Variants in NT5C observed in about 807,000 individuals in gnomAD.
NT5C encodes 5'(3')-deoxyribonucleotidase, cytosolic type.
NT5C carries 14 observed loss-of-function variants against 17.6 expected under a neutral mutation model. That is an observed-to-expected ratio of 0.79 (90% CI 0.52 to 1.24). The LOEUF (loss-of-function observed/expected upper bound fraction) is 1.24, where lower values mean the gene tolerates loss of function less well. Ranked by LOEUF, NT5C falls within the 50% of genes most tolerant of loss-of-function variation. The pLI is 0.00. For synonymous variants in NT5C, 153 were observed against 119.2 expected, an observed-to-expected ratio of 1.28 and a Z score of -1.85; for missense variants, 328 against 278.3, an observed-to-expected ratio of 1.18 and a Z score of -1.27.
Position 75,131,534 on chromosome 17 carries a change from C to CGCCA in NT5C, c.170_173dup (p.Asp59GlyfsTer3). ...CGGGTGGGGACCCTGCGCCCCCTAC[C>CGCCA]GCCAGGTCGGGCCGCAGGGCGCGGT... is the stretch of plus-strand genomic sequence containing the variant. On this transcript the variant is annotated frameshift_variant and splice_region_variant, in exon 1 of 5. Coordinates refer to ENST00000245552, the MANE Select transcript of NT5C (RefSeq NM_014595.3). LOFTEE classifies it high-confidence loss of function. 7 of 1,409,038 alleles carry CGCCA rather than the reference C, an allele frequency of 5.0e-6. No individual in the cohort carries two copies. Among genetic ancestry groups the CGCCA allele is most frequent in the Non-Finnish European group, 6.4e-6 (7 of 1,090,190 alleles). 87.3% of individuals were successfully genotyped at this position (1,409,038 alleles called of 1,614,324 possible). A position where few individuals can be genotyped will look rare whatever the true frequency, so the allele number is the denominator to read the frequency against.
intron 1 of NT5C, 23 bp from the exon 2 acceptor site, chr17:75,131,304 C>T (rs1477332995): frequency 6.2e-7 from 1 of 1,609,196 alleles, no homozygotes; most frequent in Non-Finnish European, 8.5e-7. Context: ...AGTTCTGGGT[C>T]CCGGCTTCCC....
In NT5C at chr17:75,131,081, G is replaced by A. The variant is rs1283357357; in HGVS notation, c.300C>T (p.Ser100=). ...LPDTQVFICT[S]PLLKYHHCVG... is the part of the protein sequence containing the mutation. The stretch of plus-strand genomic sequence containing the variant: ...CACAGTGGTGGTACTTCAGCAGGGG[G>A]CTGGTGCAGATGAAGACCTGCGTGC... The change falls in exon 3 of 5, where the codon AGC becomes AGT. Residue 100 remains serine, a synonymous_variant. Coordinates refer to ENST00000245552, the MANE Select transcript of NT5C (RefSeq NM_014595.3). The A allele has an allele frequency of 1.9e-6, 3 of 1,613,098 alleles. No individual in the cohort carries two copies. Among genetic ancestry groups the A allele is most frequent in the African/African-American group, 1.3e-5 (1 of 74,928 alleles).
chr17:75,131,145 C>T (rs1484869835), intron 2 of NT5C, 36 bp downstream of exon 2: 1 of 1,612,370 alleles, frequency 6.2e-7, no homozygotes, highest in African/African-American at 1.3e-5. Context: ...AGCCAGGAGC[C>T]CGCCCAGGAC....
rs778969083 is a variant in NT5C at position 75,131,096 on chromosome 17, G to A, written c.285C>T (p.Val95=). 5 of 1,613,318 alleles carry A rather than the reference G, an allele frequency of 3.1e-6. No homozygotes were observed. Among genetic ancestry groups the A allele is most frequent in the Admixed American group, 3.3e-5 (2 of 59,936 alleles). Residue 95 remains valine, a synonymous_variant, in exon 3 of 5, where the codon GTC becomes GTT. Transcript: ENST00000245552. ...TCAGCAGGGGGCTGGTGCAGATGAA[G>A]ACCTGCGTGCTGCGGAGAAGGACGC... ...REMNDLPDTQ[V]FICTSPLLKY...
chr17:75,131,207 A>T lies in NT5C; in HGVS notation c.249T>A (p.Ala83=). ...CCGGTAGGTCGTTCATCTCCCGCAC[A>T]GCGTCCAAGGCTCCCGGGATGGGCT... ...DLEPIPGALD[A]VREMNDLPDT... The change falls in exon 2 of 5, where the codon GCT becomes GCA. Residue 83 remains alanine, a synonymous_variant. Transcript: ENST00000245552. 6.2e-7 allele frequency: 1 copy of T among 1,613,882 alleles called. No individual in the cohort carries two copies. The highest frequency in any genetic ancestry group is 8.5e-7 in the Non-Finnish European group (1 of 1,180,006).
rs1176678725 is a variant in NT5C, at chr17:75,130,877, A to G, written c.337-10T>C. On this transcript the variant is annotated splice_polypyrimidine_tract_variant and intron_variant, in intron 3 of 4. Transcript: ENST00000245552. ...GCTCCACCCAGCGGTACTGTGTAGAAAACACAGTCTGTGAGTAGGGCCTGA... is the reference window on the plus strand; with the variant it reads ...GCTCCACCCAGCGGTACTGTGTAGAGAACACAGTCTGTGAGTAGGGCCTGA... 6 of 1,613,372 alleles carry G rather than the reference A, an allele frequency of 3.7e-6. No individual in the cohort carries two copies. Among genetic ancestry groups the G allele is most frequent in the Admixed American group, 1.7e-5 (1 of 60,000 alleles).
In NT5C at chr17:75,130,956, C is replaced by CA. The variant is rs769254825; in HGVS notation, c.336+88dup. On this transcript the variant is annotated intron_variant, in intron 3 of 4. Coordinates refer to ENST00000245552, the MANE Select transcript of NT5C (RefSeq NM_014595.3). The stretch of plus-strand genomic sequence containing the variant: ...TGGCTCTAAGCCCTTGAGAGCCCCC[C>CA]ACCCCCACCTTCTGGGTTTCTGGTG... The CA allele has an allele frequency of 8.1e-6, 13 of 1,605,462 alleles. No individual in the cohort carries two copies. In the African/African-American group the frequency reaches 1.7e-4, roughly 21 times the overall value.
At position 75,130,524 on chromosome 17, in the gene NT5C, G is replaced by T. The variant is rs1410832311; in HGVS notation, c.570C>A (p.Ile190=). The T allele has an allele frequency of 6.2e-7, 1 of 1,614,176 alleles. No homozygotes were observed. The highest frequency in any genetic ancestry group is 1.1e-5 in the South Asian group (1 of 91,086). Residue 190 remains isoleucine, a synonymous_variant, in exon 5 of 5, where the codon ATC becomes ATA. Coordinates refer to ENST00000245552, the MANE Select transcript of NT5C (RefSeq NM_014595.3). ...GCGCAGCTCCGCGCTTGCTATCTAA[G>T]ATCTCCCTCCAGTTGTCACTCCAGG... ...LLSWSDNWRE[I]LDSKRGAAQR...
chr17:75,131,122 G>T lies in NT5C; in HGVS notation c.276-17C>A, dbSNP rs3736075. On this transcript the variant is annotated splice_polypyrimidine_tract_variant and intron_variant, in intron 2 of 4. Transcript: ENST00000245552. Reference sequence around the variant, plus strand: ...ACCTGCGTGCTGCGGAGAAGGACGCGGTTACCGCCGGGAGCCAGGAGCCCG... The same window carrying T: ...ACCTGCGTGCTGCGGAGAAGGACGCTGTTACCGCCGGGAGCCAGGAGCCCG... 2 of 1,612,130 alleles carry T rather than the reference G, an allele frequency of 1.2e-6. No homozygotes were observed. The highest frequency in any genetic ancestry group is 2.2e-5 in the East Asian group (1 of 44,794).
In NT5C at chr17:75,130,257, C is replaced by T; in HGVS notation, c.*231G>A. 3 of 563,622 alleles carry T rather than the reference C, an allele frequency of 5.3e-6. No homozygotes were observed. Among genetic ancestry groups the T allele is most frequent in the South Asian group, 2.2e-5 (1 of 45,712 alleles). The allele number at this position is 563,622 out of a possible 1,614,324, so 34.9% of individuals were successfully genotyped here. ...AAGCCAAGGTCTTTTATTAAAGGTC[C>T]CGACTGGTTTTCCCACTGTATTTCC... On this transcript the variant is annotated 3_prime_UTR_variant, in exon 5 of 5. Transcript: ENST00000245552.
Position 75,130,772 on chromosome 17 carries a change from A to G in NT5C, c.432T>C (p.Asp144=), listed in dbSNP as rs2074105172. The change falls in exon 4 of 5, where the codon GAT becomes GAC. Residue 144 remains aspartate, a synonymous_variant. Transcript: ENST00000245552. ...KTVVLGDLLI[D]DKDTVRGQEE... Reference sequence around the variant, plus strand: ...TCCAACCTCGAACTGTGTCCTTGTCATCAATGAGCAGGTCCCCCAAGACCA... The same window carrying G: ...TCCAACCTCGAACTGTGTCCTTGTCGTCAATGAGCAGGTCCCCCAAGACCA... 3.1e-6 allele frequency: 5 copies of G among 1,614,196 alleles called. No individual in the cohort carries two copies. Among genetic ancestry groups the G allele is most frequent in the Non-Finnish European group, 4.2e-6 (5 of 1,180,018 alleles).
chr17:75,130,474 C>G lies in NT5C; in HGVS notation c.*14G>C, dbSNP rs896147757. On this transcript the variant is annotated 3_prime_UTR_variant, in exon 5 of 5. Transcript: ENST00000245552. ...CCTTCCTTTAGCTCCAGCTGCTGCC[C>G]GCGGCATCCCCGCTCATTCCCGCTG... The G allele has an allele frequency of 1.9e-6, 3 of 1,612,942 alleles. No individual in the cohort carries two copies. The highest frequency in any genetic ancestry group is 2.7e-5 in the African/African-American group (2 of 74,932).
In NT5C at chr17:75,130,819, T is replaced by A. The variant is rs762474237; in HGVS notation, c.385A>T (p.Ile129Phe). ...HLGPQFVERI[I>F]LTRDKTVVLG... ...ACCACCGTCTTGTCCCTTGTCAGGA[T>A]AATTCGTTCTACGAACTGGGGCCCC... Residue 129 changes from isoleucine (I) to phenylalanine (F), a missense_variant, in exon 4 of 5, where the codon ATC becomes TTC. Coordinates refer to ENST00000245552, the MANE Select transcript of NT5C (RefSeq NM_014595.3). The A allele has an allele frequency of 2.5e-6, 4 of 1,614,168 alleles. No homozygotes were observed. Among genetic ancestry groups the A allele is most frequent in the Middle Eastern group, 3.3e-4 (2 of 6,062 alleles).
In NT5C at chr17:75,130,462, C is replaced by G; in HGVS notation, c.*26G>C. The G allele has an allele frequency of 6.2e-7, 1 of 1,611,918 alleles. No homozygotes were observed. The highest frequency in any genetic ancestry group is 8.5e-7 in the Non-Finnish European group (1 of 1,179,090). On this transcript the variant is annotated 3_prime_UTR_variant, in exon 5 of 5. Coordinates refer to ENST00000245552, the MANE Select transcript of NT5C (RefSeq NM_014595.3). ...CTGTGGGCCTGCCCTTCCTTTAGCT[C>G]CAGCTGCTGCCCGCGGCATCCCCGC...
intron 3 of NT5C, 39 bp downstream of exon 3, chr17:75,131,006 G>A (rs754695195): frequency 2.5e-6 from 4 of 1,606,756 alleles, no homozygotes; most frequent in Admixed American, 3.4e-5. Context: ...TCAGGATTTA[G>A]GCAGCTCCAC....
chr17:75,131,418 A>G, intron 1 of NT5C, 116 bp downstream of exon 1: 1 of 1,388,798 alleles, frequency 7.2e-7, no homozygotes, highest in Non-Finnish European at 9.6e-7. Flanking sequence ...GCTCCTCCCC[A>G]GGGTGCGCTG....
intron 1 of NT5C, 78 bp downstream of exon 1, chr17:75,131,456 C>A (rs1302673599): frequency 6.3e-6 from 9 of 1,418,072 alleles, no homozygotes; most frequent in Non-Finnish European, 8.4e-6. Flanking sequence ...GAGAGCTCTG[C>A]GCCCTTCACA....
rs2145143425 is a variant in NT5C, at chr17:75,131,110, G to GGAGAAGGACGCGGTTACCGCC, written c.276-26_276-6dup. On this transcript the variant is annotated splice_region_variant and splice_polypyrimidine_tract_variant and intron_variant, in intron 2 of 4. Coordinates refer to ENST00000245552, the MANE Select transcript of NT5C (RefSeq NM_014595.3). ...GTGCAGATGAAGACCTGCGTGCTGC[G>GGAGAAGGACGCGGTTACCGCC]GAGAAGGACGCGGTTACCGCCGGGA... The GGAGAAGGACGCGGTTACCGCC allele has an allele frequency of 6.2e-7, 1 of 1,613,174 alleles. No homozygotes were observed. Among genetic ancestry groups the GGAGAAGGACGCGGTTACCGCC allele is most frequent in the Non-Finnish European group, 8.5e-7 (1 of 1,179,904 alleles).
At position 75,131,566 on chromosome 17, in the gene NT5C, C is replaced by A; in HGVS notation, c.142G>T (p.Glu48Ter). Residue 48 changes from glutamate to a stop codon, truncating the protein, a stop_gained, in exon 1 of 5, where the codon GAG becomes TAG. Coordinates refer to ENST00000245552, the MANE Select transcript of NT5C (RefSeq NM_014595.3). LOFTEE classifies it high-confidence loss of function. ...TCGGGCCGCAGGGCGCGGTACTGCT[C>A]GCGGGCCAGGAAGCCGCGGCGTTGC... is the stretch of plus-strand genomic sequence containing the variant. ...LEQRRGFLAREQYRALRPDLA... is the reference protein window; with the variant it reads ...LEQRRGFLAR 7 of 1,395,536 alleles carry A rather than the reference C, an allele frequency of 5.0e-6. No homozygotes were observed. The highest frequency in any genetic ancestry group is 5.2e-4 in the Middle Eastern group (2 of 3,852). 86.4% of individuals were successfully genotyped at this position (1,395,536 alleles called of 1,614,324 possible).
Sources: allele counts gnomAD v4.1 joint callset, GRCh38; gene constraint gnomAD v4.1.1; transcripts MANE v1.5; gene names NCBI Gene and HGNC (gene_info 2026-07-23, HGNC 2026-07-21).